Variants in KLHL12 observed in about 807,000 individuals in gnomAD.
KLHL12 encodes kelch-like protein 12.
In KLHL12, 17 loss-of-function variants were observed where a neutral mutation model predicts 60.8. The observed-to-expected ratio is 0.28, with a 90% CI of 0.19 to 0.42. KLHL12 has a LOEUF of 0.42. Among genes scored for constraint, KLHL12 ranks in the 10% least tolerant of loss-of-function variants. KLHL12 has a pLI of 1.00. For synonymous variants in KLHL12, 220 were observed against 250.9 expected, an observed-to-expected ratio of 0.88 and a Z score of 1.16; for missense variants, 468 against 722.3, an observed-to-expected ratio of 0.65 and a Z score of 4.04.
In KLHL12 at chr1:202,897,541, C is replaced by T. The variant is rs184617386; in HGVS notation, c.833-581G>A. On this transcript the variant is annotated intron_variant, in intron 6 of 11. Coordinates refer to ENST00000367261, the MANE Select transcript of KLHL12 (RefSeq NM_021633.4). ...GCCCGGCAACACTGCACCATTTCAA[C>T]CTATTGAGATGACTGGCTGACATAA... 2.7e-5 allele frequency among the ~76,000 whole-genome samples: 4 copies of T among 149,822 alleles called. No individual in the cohort carries two copies. The East Asian group carries it at 6.1e-4, about 23-fold the overall frequency.
intron 6 of KLHL12, among the ~76,000 whole-genome samples, chr1:202,903,629 C>CTTTTCTTTTTTT (rs1473582493): frequency 2.6e-5 from 2 of 76,086 alleles, no homozygotes; most frequent in East Asian, 8.7e-4. Flanking sequence ...TTTTTCTTTT[C>CTTTTCTTTTTTT]TTTTTTTTTT....
At chr1:202,918,829 C>T (rs1377733128) in intron 3 of KLHL12, among the ~76,000 whole-genome samples, 1 of 152,098 alleles carries the variant, frequency 6.6e-6, no homozygotes, top group Non-Finnish European at 1.5e-5. Context: ...TTGAAAAGTT[C>T]AGAGTATTTT....
chr1:202,911,307 C>T, intron 4 of KLHL12, 104 bp from the exon 5 acceptor site: 1 of 1,277,992 alleles, frequency 7.8e-7, no homozygotes. Flanking sequence ...CCATTGCCCA[C>T]CACCATTATT....
intron 2 of KLHL12, among the ~76,000 whole-genome samples, chr1:202,921,840 G>A (rs997989416): frequency 3.3e-5 from 5 of 152,056 alleles, no homozygotes; most frequent in Admixed American, 6.6e-5. Flanking sequence ...TGGCTTTAAC[G>A]TTTTTTATTT....
At chr1:202,923,960 T>G (rs1191294643) in intron 2 of KLHL12, among the ~76,000 whole-genome samples, 1 of 152,156 alleles carries the variant, frequency 6.6e-6, no homozygotes, top group Non-Finnish European at 1.5e-5. Context: ...TAAGTGTAAA[T>G]TATATAATAA....
At chr1:202,916,533 A>C (rs1363134722) in intron 4 of KLHL12, among the ~76,000 whole-genome samples, 1 of 152,098 alleles carries the variant, frequency 6.6e-6, no homozygotes, top group Admixed American at 6.5e-5. Context: ...AGTCCCAGCT[A>C]CCTGGGAGGC....
chr1:202,918,074 T>C (rs1660575975), intron 4 of KLHL12, 97 bp downstream of exon 4: 1 of 889,410 alleles, frequency 1.1e-6, no homozygotes, highest in African/African-American at 1.7e-5. Flanking sequence ...AATGCACACT[T>C]AATTATGAAG....
chr1:202,903,427 C>T (rs1289173634), intron 6 of KLHL12, among the ~76,000 whole-genome samples: 4 of 135,664 alleles, frequency 2.9e-5, no homozygotes, highest in Non-Finnish European at 6.2e-5. Context: ...GAACTGTACA[C>T]TCAAATCTTT....
chr1:202,912,607 C>A, intron 4 of KLHL12: 1 of 1,329,608 alleles, frequency 7.5e-7, no homozygotes, highest in South Asian at 1.2e-5. Context: ...AGGGAGGAAA[C>A]TTTGGAGGCA....
At chr1:202,926,410 G>C (rs2102466028) in intron 1 of KLHL12, among the ~76,000 whole-genome samples, 1 of 152,246 alleles carries the variant, frequency 6.6e-6, no homozygotes, top group East Asian at 1.9e-4. Flanking sequence ...TCTGTTTGTA[G>C]TTGGCATTTT....
At chr1:202,900,377 T>A (rs944809297) in intron 6 of KLHL12, among the ~76,000 whole-genome samples, 2 of 150,728 alleles carry the variant, frequency 1.3e-5, no homozygotes, top group African/African-American at 4.9e-5. Context: ...GACTCCCATA[T>A]CTAGAAAAAA....
At chr1:202,919,205 G>A (rs1660611916) in intron 3 of KLHL12, among the ~76,000 whole-genome samples, 1 of 152,198 alleles carries the variant, frequency 6.6e-6, no homozygotes, top group African/African-American at 2.4e-5. Flanking sequence ...ACAGTGAGCT[G>A]TGATTGCACC....
chr1:202,924,078 T>C (rs756016242), intron 2 of KLHL12, among the ~76,000 whole-genome samples: 23 of 152,370 alleles, frequency 1.5e-4, no homozygotes, highest in East Asian at 3.9e-4. Flanking sequence ...ATTTGCAATG[T>C]TATTTTCTGT....
chr1:202,919,632 G>A lies in KLHL12; in HGVS notation c.349+123C>T, dbSNP rs1227468154. The A allele has an allele frequency of 3.5e-6, 3 of 866,298 alleles. No homozygotes were observed. The African/African-American group carries it at 5.2e-5, about 15-fold the overall frequency. 53.7% of individuals were successfully genotyped at this position (866,298 alleles called of 1,614,324 possible). ...TATTGCTCAATGAGACAAAAGCCAT[G>A]GCCAGCAAACATGAACATCCATAGT... On this transcript the variant is annotated intron_variant, in intron 3 of 11. Transcript: ENST00000367261.
chr1:202,912,360 A>G, intron 4 of KLHL12: 1 of 795,534 alleles, frequency 1.3e-6, no homozygotes, highest in African/African-American at 1.7e-5. Context: ...AGCCCTGTCA[A>G]AGTAAGAGAT....
chr1:202,920,350 T>G (rs1660648777), intron 2 of KLHL12, among the ~76,000 whole-genome samples: 1 of 149,610 alleles, frequency 6.7e-6, no homozygotes, highest in South Asian at 2.1e-4. Flanking sequence ...AAAAATAAAA[T>G]TATGCTCTAT....
At chr1:202,904,768 T>C (rs1660130565) in intron 6 of KLHL12, among the ~76,000 whole-genome samples, 1 of 152,202 alleles carries the variant, frequency 6.6e-6, no homozygotes, top group South Asian at 2.1e-4. Context: ...ATAAGGCAGA[T>C]GCAGGACTGC....
chr1:202,894,600 A>G lies in KLHL12; in HGVS notation c.1285T>C (p.Tyr429His). 6.2e-7 allele frequency: 1 copy of G among 1,614,086 alleles called. No homozygotes were observed. The highest frequency in any genetic ancestry group is 8.5e-7 in the Non-Finnish European group (1 of 1,179,982). ...AGLVVASGVI[Y>H]CLGGYDGLNI... ...ATCCCAGACTCAATACCTAGACAGT[A>G]GATCACTCCACTGGCCACTACGAGT... The change falls in exon 9 of 12, where the codon TAC becomes CAC. Residue 429 changes from tyrosine to histidine, a missense_variant. Coordinates refer to ENST00000367261, the MANE Select transcript of KLHL12 (RefSeq NM_021633.4).
upstream of KLHL12, chr1:202,928,341 G>A (rs866318620): frequency 1.0e-4 from 37 of 362,916 alleles, no homozygotes; most frequent in South Asian, 7.0e-4. Flanking sequence ...TGTGGGGTCC[G>A]GCAGGGAGCC....
Sources: allele counts gnomAD v4.1 joint callset (sites outside exome capture counted in the v4.1 genomes callset), GRCh38; gene constraint gnomAD v4.1.1; transcripts MANE v1.5; gene names NCBI Gene and HGNC (gene_info 2026-07-23, HGNC 2026-07-21).